UGT2B28: variants seen among roughly 807,000 people sequenced by gnomAD.
The protein encoded by UGT2B28 is UDP glucuronosyltransferase family 2 member B28.
Under a neutral mutation model 43.6 loss-of-function variants are expected in UGT2B28, and 45 were observed. That is an observed-to-expected ratio of 1.03 (90% CI 0.81 to 1.32). The LOEUF (loss-of-function observed/expected upper bound fraction) is 1.32. UGT2B28 is among the 40% of genes most tolerant of loss of function. The pLI is 0.00. For missense variants in UGT2B28, 649 were observed against 625.5 expected, an observed-to-expected ratio of 1.04 and a Z score of -0.40; for synonymous variants, 204 against 208.1, an observed-to-expected ratio of 0.98 and a Z score of 0.17.
rs763133605 is a variant in UGT2B28 at position 69,282,672 on chromosome 4, C to T, written c.870+10C>T. ...CAAACCCCTACCTAAGGTAAACATA[C>T]TTTCGTTGGTTTTATTTTGTTGGCT... On this transcript the variant is annotated intron_variant, in intron 2 of 5. Transcript: ENST00000335568. 2 of 1,541,650 alleles carry T rather than the reference C, an allele frequency of 1.3e-6. No individual in the cohort carries two copies. The highest frequency in any genetic ancestry group is 3.9e-5 in the Admixed American group (2 of 51,814).
At chr4:69,285,810 G>T (rs1723757972) in intron 2 of UGT2B28, among the ~76,000 whole-genome samples, 1 of 140,852 alleles carries the variant, frequency 7.1e-6, no homozygotes, top group African/African-American at 2.8e-5. Context: ...GTGTAATGTG[G>T]TGTGCGTGAG....
chr4:69,291,916 G>A (rs1232422282), intron 5 of UGT2B28, among the ~76,000 whole-genome samples: 2 of 140,038 alleles, frequency 1.4e-5, no homozygotes, highest in African/African-American at 2.8e-5. Flanking sequence ...TTCTTAGTGG[G>A]TGTAAAATGA....
rs201982815 is a variant in UGT2B28, at chr4:69,281,172, C to G, written c.672C>G (p.Phe224Leu). 1.5e-5 allele frequency: 23 copies of G among 1,545,488 alleles called. 5 individuals are homozygous for G. Among genetic ancestry groups the G allele is most frequent in the Middle Eastern group, 3.5e-4 (2 of 5,778 alleles). Residue 224 changes from phenylalanine (F) to leucine (L), a missense_variant, in exon 1 of 6, where the codon TTC (phenylalanine) becomes TTG (leucine). By Grantham distance (22) the Phe-to-Leu change is conservative. Coordinates refer to ENST00000335568, the MANE Select transcript of UGT2B28 (RefSeq NM_053039.2). ...ATGTGCTTTATTTTGACTTTTGGTT[C>G]CAAATGTGTGATATGAAGAAGTGGG... The part of the protein sequence containing the change: ...MIYVLYFDFW[F>L]QMCDMKKWDQ...
rs868089016 is a variant in UGT2B28, at chr4:69,291,131, T to A, written c.1310+320T>A. 5.0e-5 allele frequency among the ~76,000 whole-genome samples: 7 copies of A among 140,724 alleles called. 1 individual carries two copies. The highest frequency in any genetic ancestry group is 1.9e-4 in the African/African-American group (7 of 36,162). 92.3% of individuals were successfully genotyped at this position (140,724 alleles called of 152,430 possible). On this transcript the variant is annotated intron_variant, in intron 5 of 5. Transcript: ENST00000335568. Reference sequence around the variant, plus strand: ...GAAAGGAAGAATAAACTTGAAATATTATAAAATGTTTTAATTAAATATCTA... The same window carrying A: ...GAAAGGAAGAATAAACTTGAAATATAATAAAATGTTTTAATTAAATATCTA...
rs140299891 is a variant in UGT2B28, at chr4:69,294,638, C to A, written c.1419C>A (p.Ala473=). Residue 473 remains alanine (A), a synonymous_variant, in exon 6 of 6, where the codon GCC becomes GCA. Coordinates refer to ENST00000335568, the MANE Select transcript of UGT2B28 (RefSeq NM_053039.2). The stretch of plus-strand genomic sequence containing the variant: ...AATTTGTGATGTGCCACAAAGGAGC[C>A]AAACACCTTCGAGTTGCAGCCCGTG... ...WIEFVMCHKG[A]KHLRVAARDL... The A allele has an allele frequency of 5.8e-6, 9 of 1,558,730 alleles. 2 individuals carry two copies. Among genetic ancestry groups the A allele is most frequent in the Middle Eastern group, 3.4e-4 (2 of 5,818 alleles).
At position 69,295,012 on chromosome 4, in the gene UGT2B28, A is replaced by G. The variant is rs1724066142; in HGVS notation, c.*203A>G. On this transcript the variant is annotated 3_prime_UTR_variant, in exon 6 of 6. Coordinates refer to ENST00000335568, the MANE Select transcript of UGT2B28 (RefSeq NM_053039.2). ...TGGTTAGAAATATTCTGTGGCAATG[A>G]AGAAAACACTAGGGAAAATAAAAAA... The G allele has an allele frequency of 5.1e-6, 3 of 592,950 alleles. No individual in the cohort carries two copies. The highest frequency in any genetic ancestry group is 7.3e-6 in the Non-Finnish European group (3 of 411,492). 36.7% of individuals were successfully genotyped at this position (592,950 alleles called of 1,614,324 possible). A position where few individuals can be genotyped will look rare whatever the true frequency, so the allele number is the denominator to read the frequency against.
rs150261084 is a variant in UGT2B28 at position 69,280,705 on chromosome 4, G to A, written c.205G>A (p.Ala69Thr). The A allele has an allele frequency of 5.0e-3, 7,766 of 1,560,360 alleles. 922 individuals carry two copies. The highest frequency in any genetic ancestry group is 6.3e-3 in the Admixed American group (357 of 56,440). Residue 69 changes from alanine (A) to threonine (T), a missense_variant, in exon 1 of 6, where the codon GCA (alanine) becomes ACA (threonine). Ala to Thr is a moderately conservative substitution (Grantham distance 58). Transcript: ENST00000335568. Reference sequence around the variant, plus strand: ...TTCCATTCTTTTTGATCCCAATGACGCATTCACTCTTAAACTCGAAGTTTA... The same window carrying A: ...TTCCATTCTTTTTGATCCCAATGACACATTCACTCTTAAACTCGAAGTTTA... ...SASILFDPNDAFTLKLEVYPT... is the reference protein window; with the variant it reads ...SASILFDPNDTFTLKLEVYPT...
intron 3 of UGT2B28, among the ~76,000 whole-genome samples, chr4:69,287,127 C>A (rs1723802768): frequency 7.2e-6 from 1 of 139,168 alleles, no homozygotes; most frequent in Non-Finnish European, 1.5e-5. Flanking sequence ...CCAGTGGGAA[C>A]TCAGTACTCC....
rs563051474 is a variant in UGT2B28, at chr4:69,281,852, T to C, written c.721+631T>C. Among the ~76,000 whole-genome samples, 41 of 140,982 alleles carry C rather than the reference T, an allele frequency of 2.9e-4. 10 individuals carry two copies. The highest frequency in any genetic ancestry group is 1.1e-3 in the African/African-American group (39 of 36,340). The allele number at this position is 140,982 out of a possible 152,430, so 92.5% of individuals were successfully genotyped here. On this transcript the variant is annotated intron_variant, in intron 1 of 5. Transcript: ENST00000335568. ...TGTGAAGGTTGTTATATCTATATAG[T>C]TTATTTGAAACTATGTCTCTTTATT... is the stretch of plus-strand genomic sequence containing the variant.
rs537014353 is a variant in UGT2B28 at position 69,288,376 on chromosome 4, C to T, written c.1003-1289C>T. On this transcript the variant is annotated intron_variant, in intron 3 of 5. Transcript: ENST00000335568. ...AACAGGCTCTAATATAATAACCTAC[C>T]GACAAGTAGATACATTTATACTACT... Among the ~76,000 whole-genome samples the T allele has an allele frequency of 8.7e-5, 12 of 138,424 alleles. 1 individual carries two copies. The South Asian group carries it at 2.4e-3, about 28-fold the overall frequency. 90.8% of individuals were successfully genotyped at this position (138,424 alleles called of 152,430 possible).
rs1466658647 is a variant in UGT2B28 at position 69,281,012 on chromosome 4, GTC to G, written c.516_517del (p.Cys173LeufsTer8). On this transcript the variant is annotated frameshift_variant, in exon 1 of 6. Coordinates refer to ENST00000335568, the MANE Select transcript of UGT2B28 (RefSeq NM_053039.2). LOFTEE classifies it high-confidence loss of function. ...CTACTTAACATACCGTTTGTGTACA[GTC>G]TCTGCTTCACTCCTGGCTACACAAT... is the stretch of plus-strand genomic sequence containing the variant. 1.3e-6 allele frequency: 2 copies of G among 1,559,726 alleles called. No homozygotes were observed. Among genetic ancestry groups the G allele is most frequent in the East Asian group, 2.3e-5 (1 of 43,564 alleles).
At chr4:69,284,915 G>C (rs1271172272) in intron 2 of UGT2B28, among the ~76,000 whole-genome samples, 3 of 139,382 alleles carry the variant, frequency 2.2e-5, no homozygotes, top group African/African-American at 8.4e-5. Flanking sequence ...ATATATTCAC[G>C]TGAAATCATA....
rs778198971 is a variant in UGT2B28 at position 69,282,508 on chromosome 4, T to C, written c.722-6T>C. 1.1e-4 allele frequency: 176 copies of C among 1,538,944 alleles called. 18 individuals carry two copies. Among genetic ancestry groups the C allele is most frequent in the Non-Finnish European group, 1.5e-4 (175 of 1,149,648 alleles). ...ATCCACTTTTTCTTTTCTTTATTCC[T>C]GTCAGGAAGACCCACTACCTTATTT... is the stretch of plus-strand genomic sequence containing the variant. On this transcript the variant is annotated splice_region_variant and splice_polypyrimidine_tract_variant and intron_variant, in intron 1 of 5. Transcript: ENST00000335568.
At chr4:69,285,615 C>G (rs1160494596) in intron 2 of UGT2B28, among the ~76,000 whole-genome samples, 2 of 141,458 alleles carry the variant, frequency 1.4e-5, no homozygotes, top group South Asian at 2.3e-4. Flanking sequence ...AAAAAACGCT[C>G]TGCCATACGT....
Position 69,294,954 on chromosome 4 carries a change from A to G in UGT2B28, c.*145A>G. The G allele has an allele frequency of 8.4e-7, 1 of 1,191,876 alleles. No individual in the cohort carries two copies. Among genetic ancestry groups the G allele is most frequent in the Non-Finnish European group, 1.1e-6 (1 of 923,932 alleles). 73.8% of individuals were successfully genotyped at this position (1,191,876 alleles called of 1,614,324 possible). On this transcript the variant is annotated 3_prime_UTR_variant, in exon 6 of 6. Transcript: ENST00000335568. The stretch of plus-strand genomic sequence containing the variant: ...TTCAAAATCTACCTTGTCAAGTAAA[A>G]ATTTGTTTTTCAGAGATTTACCACC...
rs1577999075 is a variant in UGT2B28 at position 69,294,440 on chromosome 4, A to G, written c.1311-90A>G. On this transcript the variant is annotated intron_variant, in intron 5 of 5. Transcript: ENST00000335568. ...AATTCTTTCAAATTTACTTTGAATT[A>G]TTTGACACTTTAAAAGCCTTTCATA... 2.3e-5 allele frequency: 28 copies of G among 1,236,992 alleles called. 5 individuals are homozygous for G. The South Asian group carries it at 5.9e-4, about 26-fold the overall frequency. 76.6% of individuals were successfully genotyped at this position (1,236,992 alleles called of 1,614,324 possible). A position where few individuals can be genotyped will look rare whatever the true frequency, so the allele number is the denominator to read the frequency against.
Position 69,280,816 on chromosome 4 carries a change from T to C in UGT2B28, c.316T>C (p.Trp106Arg). 5 of 1,566,030 alleles carry C rather than the reference T, an allele frequency of 3.2e-6. No homozygotes were observed. Among genetic ancestry groups the C allele is most frequent in the Non-Finnish European group, 4.3e-6 (5 of 1,157,794 alleles). The change falls in exon 1 of 6, where the codon TGG (tryptophan) becomes CGG (arginine). Residue 106 changes from tryptophan (W) to arginine (R), a missense_variant. Trp to Arg is a moderately radical substitution (Grantham distance 101, BLOSUM62 -3). Coordinates refer to ENST00000335568, the MANE Select transcript of UGT2B28 (RefSeq NM_053039.2). ...RWSDIQKDSF[W>R]LYFSQEQEIL... The stretch of plus-strand genomic sequence containing the variant: ...GTCAGACATTCAAAAAGATAGCTTT[T>C]GGTTATATTTTTCACAAGAACAAGA...
chr4:69,290,171 G>A (rs1373468261), intron 4 of UGT2B28, among the ~76,000 whole-genome samples: 3 of 139,756 alleles, frequency 2.1e-5, no homozygotes, highest in Non-Finnish European at 4.6e-5. Flanking sequence ...TCTTAAAGTA[G>A]TGACACATTT....
Position 69,280,491 on chromosome 4 carries a change from T to C in UGT2B28, c.-10T>C, listed in dbSNP as rs754152989. The C allele has an allele frequency of 6.5e-7, 1 of 1,545,562 alleles. No homozygotes were observed. ...CAGTGACTTGAAAAGAATGATTGCA[T>C]TGCACCAGGATGGCTCTGAAGTGGA... On this transcript the variant is annotated 5_prime_UTR_variant, in exon 1 of 6. Transcript: ENST00000335568.
Sources: gnomAD v4.1 joint callset for allele counts (sites outside exome capture counted in the v4.1 genomes callset) on GRCh38, gnomAD v4.1.1 for gene constraint, MANE v1.5 for transcripts, NCBI Gene and HGNC (gene_info 2026-07-23, HGNC 2026-07-21) for gene names.